CTSO: variants seen among roughly 807,000 people sequenced by gnomAD.
The protein encoded by CTSO is cathepsin O.
Under a neutral mutation model 42.4 loss-of-function variants are expected in CTSO, and 40 were observed. The ratio of observed to expected loss-of-function variants is 0.94; its 90% confidence interval spans 0.73 to 1.23. CTSO has a LOEUF of 1.23. Ranked by LOEUF, CTSO falls within the 50% of genes most tolerant of loss-of-function variation. The probability of loss-of-function intolerance (pLI) is 0.00; values close to 1 mark genes in which losing one functional copy is unlikely to be tolerated. For synonymous variants in CTSO, 156 were observed against 146.2 expected (o/e 1.07, Z -0.48); for missense variants, 441 against 396.0 (o/e 1.11, Z -0.96).
At chr4:155,946,232 A>G (rs936185891) in intron 1 of CTSO, among the ~76,000 whole-genome samples, 1 of 152,174 alleles carries the variant, frequency 6.6e-6, no homozygotes, top group Non-Finnish European at 1.5e-5. Flanking sequence ...CAGATGAAAC[A>G]AACTTATACA....
intron 5 of CTSO, among the ~76,000 whole-genome samples, chr4:155,931,141 C>A (rs1399022152): frequency 6.6e-6 from 1 of 152,128 alleles, no homozygotes; most frequent in African/African-American, 2.4e-5. Context: ...TTATTTCCCT[C>A]ATTTCTAACT....
At position 155,929,586 on chromosome 4, in the gene CTSO, C is replaced by A; in HGVS notation, c.794G>T (p.Gly265Val). The change falls in exon 6 of 8, where the codon GGA becomes GTA. Residue 265 changes from glycine (G) to valine (V), a missense_variant. Gly to Val is a moderately radical substitution (Grantham distance 109). Transcript: ENST00000433477. ...TATGAGAACTGCATGATTTGCTTCT[C>A]CACTAGAGCAGTGATGCTGTATAAT... Reference protein sequence around the residue: ...GGIIQHHCSSGEANHAVLITG... With the variant: ...GGIIQHHCSSVEANHAVLITG... The A allele has an allele frequency of 6.2e-7, 1 of 1,613,836 alleles. No individual in the cohort carries two copies. The highest frequency in any genetic ancestry group is 8.5e-7 in the Non-Finnish European group (1 of 1,179,942).
chr4:155,937,039 G>A (rs1215109726), intron 5 of CTSO, among the ~76,000 whole-genome samples: 1 of 151,846 alleles, frequency 6.6e-6, no homozygotes, highest in Non-Finnish European at 1.5e-5. Flanking sequence ...GATGAAGGTG[G>A]TATATATAAA....
chr4:155,942,469 A>G lies in CTSO; in HGVS notation c.245-13T>C, dbSNP rs1743458498. ...CTTAAATAAATGGCTGAGTAGAAAC[A>G]TAAAATGAAAATACAACCAATATTA... On this transcript the variant is annotated splice_polypyrimidine_tract_variant and intron_variant, in intron 2 of 7. Coordinates refer to ENST00000433477, the MANE Select transcript of CTSO (RefSeq NM_001334.3). 9 of 1,456,882 alleles carry G rather than the reference A, an allele frequency of 6.2e-6. No individual in the cohort carries two copies. Among genetic ancestry groups the G allele is most frequent in the Non-Finnish European group, 7.3e-6 (8 of 1,096,158 alleles). 90.2% of individuals were successfully genotyped at this position (1,456,882 alleles called of 1,614,324 possible). A position where few individuals can be genotyped will look rare whatever the true frequency, so the allele number is the denominator to read the frequency against.
intron 7 of CTSO, among the ~76,000 whole-genome samples, chr4:155,928,125 G>A (rs1743163030): frequency 6.6e-6 from 1 of 151,558 alleles, no homozygotes. Context: ...AGATATATAT[G>A]TAATATATAT....
chr4:155,936,489 C>A (rs1348483321), intron 5 of CTSO, among the ~76,000 whole-genome samples: 1 of 152,078 alleles, frequency 6.6e-6, no homozygotes. Context: ...TAATTTAGTT[C>A]CTGTTTTCTC....
In CTSO at chr4:155,925,268, ATAT is replaced by A. The variant is rs1391653862; in HGVS notation, c.*765_*767del. On this transcript the variant is annotated 3_prime_UTR_variant, in exon 8 of 8. Coordinates refer to ENST00000433477, the MANE Select transcript of CTSO (RefSeq NM_001334.3). ...GTATTTTGATATACTAGAGAACAAA[ATAT>A]TATTCTATAGTATAAAAAGAACAAA... 1 of 152,212 alleles carries A rather than the reference ATAT, an allele frequency of 6.6e-6. No homozygotes were observed. Among genetic ancestry groups the A allele is most frequent in the Non-Finnish European group, 1.5e-5 (1 of 68,036 alleles). 9.4% of individuals were successfully genotyped at this position (152,212 alleles called of 1,614,324 possible). A position where few individuals can be genotyped will look rare whatever the true frequency, so the allele number is the denominator to read the frequency against.
At chr4:155,938,195 A>G (rs1312885899) in intron 4 of CTSO, among the ~76,000 whole-genome samples, 2 of 152,110 alleles carry the variant, frequency 1.3e-5, no homozygotes, top group Non-Finnish European at 2.9e-5. Context: ...CATTCTTTCT[A>G]TCACTTCACT....
chr4:155,944,509 G>A (rs75435609), intron 1 of CTSO, among the ~76,000 whole-genome samples: 2,188 of 152,276 alleles, frequency 0.014, 27 homozygotes, highest in South Asian at 0.025. Flanking sequence ...CATTCAATAA[G>A]TACTGCCTGG....
chr4:155,927,676 G>A (rs1743153801), intron 7 of CTSO, among the ~76,000 whole-genome samples: 1 of 152,116 alleles, frequency 6.6e-6, no homozygotes, highest in Non-Finnish European at 1.5e-5. Flanking sequence ...TCAGGAGGCT[G>A]AGGCAGGAGA....
chr4:155,929,316 T>C (rs1743188897), intron 6 of CTSO, among the ~76,000 whole-genome samples: 1 of 152,192 alleles, frequency 6.6e-6, no homozygotes, highest in South Asian at 2.1e-4. Flanking sequence ...CCACACTCTA[T>C]ATTTCTGTGT....
At chr4:155,929,786 T>C in intron 5 of CTSO, 81 bp from the exon 6 acceptor site, 1 of 1,351,086 alleles carries the variant, frequency 7.4e-7, no homozygotes, top group Non-Finnish European at 1.0e-6. Flanking sequence ...CTGTGTATGA[T>C]TCTGAGTAGG....
At chr4:155,951,531 G>A (rs1481858945) in intron 1 of CTSO, among the ~76,000 whole-genome samples, 1 of 152,092 alleles carries the variant, frequency 6.6e-6, no homozygotes, top group Non-Finnish European at 1.5e-5. Context: ...GAAAGTCATG[G>A]GCTAACCTAA....
rs965485600 is a variant in CTSO, at chr4:155,953,703, C to T, written c.135+10G>A. On this transcript the variant is annotated intron_variant, in intron 1 of 7. Transcript: ENST00000433477. ...CAGGGACAGATCCCGGGGAGGCGCG[C>T]GCTCGGTACCCGGAAGGCGGCGGCT... is the stretch of plus-strand genomic sequence containing the variant. 1.4e-5 allele frequency: 18 copies of T among 1,261,842 alleles called. No homozygotes were observed. The South Asian group carries it at 5.3e-4, about 37-fold the overall frequency. 78.2% of individuals were successfully genotyped at this position (1,261,842 alleles called of 1,614,324 possible). A position where few individuals can be genotyped will look rare whatever the true frequency, so the allele number is the denominator to read the frequency against.
chr4:155,946,267 C>G (rs886102916), intron 1 of CTSO, among the ~76,000 whole-genome samples: 1 of 152,162 alleles, frequency 6.6e-6, no homozygotes, highest in Non-Finnish European at 1.5e-5. Context: ...TTCCCATGTA[C>G]TTCTCTTAAT....
intron 5 of CTSO, among the ~76,000 whole-genome samples, chr4:155,934,688 T>C (rs912964638): frequency 6.6e-6 from 1 of 152,220 alleles, no homozygotes; most frequent in Non-Finnish European, 1.5e-5. Context: ...GACTGCCTGC[T>C]GGATTTTGGA....
chr4:155,951,035 G>A (rs1026525533), intron 1 of CTSO, among the ~76,000 whole-genome samples: 10 of 152,186 alleles, frequency 6.6e-5, no homozygotes, highest in Admixed American at 6.5e-4. Context: ...TGGCTCATTA[G>A]TTAGGATCAC....
Position 155,928,386 on chromosome 4 carries a change from G to A in CTSO, c.881C>T (p.Ser294Phe). The change falls in exon 7 of 8, where the codon TCT becomes TTT. Residue 294 changes from serine (S) to phenylalanine (F), a missense_variant. Transcript: ENST00000433477. ...YWIVRNSWGS[S>F]WGVDGYAHVK... is the part of the protein sequence containing the mutation. ...ATGGGCATAACCATCTACTCCCCAA[G>A]AACTTCCCCAGGAATTCCGCACAAT... The A allele has an allele frequency of 1.9e-6, 3 of 1,613,246 alleles. No homozygotes were observed. Among genetic ancestry groups the A allele is most frequent in the Non-Finnish European group, 2.5e-6 (3 of 1,179,592 alleles).
rs1371201076 is a variant in CTSO at position 155,925,284 on chromosome 4, TA to T, written c.*751del. 1.3e-5 allele frequency: 2 copies of T among 152,196 alleles called. No homozygotes were observed. The highest frequency in any genetic ancestry group is 4.8e-5 in the African/African-American group (2 of 41,456). 9.4% of individuals were successfully genotyped at this position (152,196 alleles called of 1,614,324 possible). On this transcript the variant is annotated 3_prime_UTR_variant, in exon 8 of 8. Transcript: ENST00000433477. ...GAGAACAAAATATTATTCTATAGTA[TA>T]AAAAGAACAAAGTAAGCAATATGAT... is the stretch of plus-strand genomic sequence containing the variant.
Sources: gnomAD v4.1 joint callset for allele counts (sites outside exome capture counted in the v4.1 genomes callset) on GRCh38, gnomAD v4.1.1 for gene constraint, MANE v1.5 for transcripts, NCBI Gene and HGNC (gene_info 2026-07-23, HGNC 2026-07-21) for gene names.